THRB: variants seen among roughly 807,000 people sequenced by gnomAD.
THRB encodes the protein nuclear receptor subfamily 1 group A member 2.
Under a neutral mutation model 47.8 loss-of-function variants are expected in THRB, and 12 were observed. That is an observed-to-expected ratio of 0.25 (90% CI 0.16 to 0.41). The LOEUF (loss-of-function observed/expected upper bound fraction) is 0.41, where lower values mean the gene tolerates loss of function less well. THRB is among the 10% of genes least tolerant of loss of function. The probability of loss-of-function intolerance (pLI) is 1.00; values close to 1 mark genes in which losing one functional copy is unlikely to be tolerated. For synonymous variants in THRB, 218 were observed against 212.2 expected, an observed-to-expected ratio of 1.03 and a Z score of -0.24; for missense variants, 348 against 589.2, an observed-to-expected ratio of 0.59 and a Z score of 4.24.
chr3:24,316,703 T>C (rs2058137887), intron 2 of THRB, among the ~76,000 whole-genome samples: 1 of 152,140 alleles, frequency 6.6e-6, no homozygotes, highest in South Asian at 2.1e-4. Flanking sequence ...AGGTACAAGC[T>C]AAAGTCCTAC....
In THRB at chr3:24,399,084, G is replaced by A. The variant is rs867457677; in HGVS notation, c.-260-61713C>T. On this transcript the variant is annotated intron_variant, in intron 1 of 10. Coordinates refer to ENST00000646209, the MANE Select transcript of THRB (RefSeq NM_001354712.2). ...CACACACCGGGGCCTGTTGTGGGGTGGGGGGAGTGGGGAGGGATAGCATTA... is the reference window on the plus strand; with the variant it reads ...CACACACCGGGGCCTGTTGTGGGGTAGGGGGAGTGGGGAGGGATAGCATTA... 2.8e-3 allele frequency among the ~76,000 whole-genome samples: 424 copies of A among 152,010 alleles called. 2 individuals carry two copies. Among genetic ancestry groups the A allele is most frequent in the African/African-American group, 9.7e-3 (404 of 41,452 alleles).
intron 5 of THRB, among the ~76,000 whole-genome samples, chr3:24,155,039 C>T (rs1299826661): frequency 6.6e-6 from 1 of 152,214 alleles, no homozygotes; most frequent in African/African-American, 2.4e-5. Context: ...TCACCTCATA[C>T]TACCCCAGCC....
At chr3:24,382,343 C>T (rs2149858417) in intron 1 of THRB, among the ~76,000 whole-genome samples, 1 of 152,104 alleles carries the variant, frequency 6.6e-6, no homozygotes, top group South Asian at 2.1e-4. Flanking sequence ...TATATTTTTT[C>T]TTCTTTTGCT....
At chr3:24,494,442 G>C (rs1698709463) in intron 1 of THRB, 1 of 150,580 alleles carries the variant, frequency 6.6e-6, no homozygotes, top group African/African-American at 2.5e-5. Flanking sequence ...GCCCGAACAC[G>C]AGAGGGCACC....
chr3:24,174,130 C>T (rs973667176), intron 5 of THRB, among the ~76,000 whole-genome samples: 12 of 152,214 alleles, frequency 7.9e-5, no homozygotes, highest in African/African-American at 2.9e-4. Context: ...GTCAACCTGT[C>T]ATCTACGTGT....
chr3:24,413,000 T>C (rs1294968899), intron 1 of THRB, among the ~76,000 whole-genome samples: 1 of 151,778 alleles, frequency 6.6e-6, no homozygotes, highest in African/African-American at 2.4e-5. Context: ...AAACTTTAAA[T>C]ACAAAGGAGC....
chr3:24,281,546 C>T (rs1051243896), intron 3 of THRB, among the ~76,000 whole-genome samples: 3 of 149,346 alleles, frequency 2.0e-5, no homozygotes, highest in Non-Finnish European at 4.5e-5. Context: ...AAATCACCAG[C>T]TAACATCATA....
At chr3:24,385,986 C>T (rs1305690662) in intron 1 of THRB, among the ~76,000 whole-genome samples, 2 of 152,056 alleles carry the variant, frequency 1.3e-5, no homozygotes, top group African/African-American at 4.8e-5. Flanking sequence ...TTAAAAATTA[C>T]TTCCTTTATC....
intron 3 of THRB, among the ~76,000 whole-genome samples, chr3:24,294,947 A>G (rs545777603): frequency 6.5e-4 from 99 of 152,344 alleles, no homozygotes; most frequent in African/African-American, 2.2e-3. Context: ...CAGGATAGAG[A>G]TGTCTTCACT....
At chr3:24,370,667 G>T (rs1469865954) in intron 1 of THRB, among the ~76,000 whole-genome samples, 1 of 152,072 alleles carries the variant, frequency 6.6e-6, no homozygotes, top group Non-Finnish European at 1.5e-5. Context: ...TAATGATAGG[G>T]AATGCTGGGG....
At chr3:24,255,677 G>A (rs867417803) in intron 3 of THRB, among the ~76,000 whole-genome samples, 8 of 152,296 alleles carry the variant, frequency 5.3e-5, no homozygotes, top group African/African-American at 1.2e-4. Context: ...GGAGGGACCC[G>A]TACTTATGTA....
chr3:24,156,883 G>A (rs1424456788), intron 5 of THRB, among the ~76,000 whole-genome samples: 1 of 152,122 alleles, frequency 6.6e-6, no homozygotes, highest in Non-Finnish European at 1.5e-5. Context: ...TAAAAACCTT[G>A]AAAGGGTTAT....
intron 8 of THRB, among the ~76,000 whole-genome samples, chr3:24,141,501 T>C (rs1028292534): frequency 2.6e-5 from 4 of 152,242 alleles, no homozygotes; most frequent in Admixed American, 2.0e-4. Context: ...TCATTGCACT[T>C]ACCACTACCT....
intron 1 of THRB, among the ~76,000 whole-genome samples, chr3:24,347,643 TA>T (rs199954065): frequency 0.038 from 5,656 of 150,196 alleles, 153 homozygotes; most frequent in African/African-American, 0.076. Context: ...TTTTAAAGAA[TA>T]AAAAAAAGAA....
intron 1 of THRB, among the ~76,000 whole-genome samples, chr3:24,472,507 G>A (rs1431174227): frequency 1.3e-5 from 2 of 152,150 alleles, no homozygotes; most frequent in African/African-American, 2.4e-5. Flanking sequence ...TGTGCAAGGG[G>A]CTTTTACACA....
At chr3:24,276,058 T>A (rs2053884607) in intron 3 of THRB, among the ~76,000 whole-genome samples, 1 of 151,356 alleles carries the variant, frequency 6.6e-6, no homozygotes, top group Non-Finnish European at 1.5e-5. Flanking sequence ...TTTTTTTTAA[T>A]AACCTCCTTT....
intron 5 of THRB, among the ~76,000 whole-genome samples, chr3:24,172,410 C>G (rs1562736): frequency 0.73 from 110,545 of 151,984 alleles, 41,036 homozygotes; most frequent in African/African-American, 0.89. Flanking sequence ...TGAATTAAGT[C>G]TGTTTCAGTA....
At chr3:24,493,751 T>TA (rs1024290146) in intron 1 of THRB, among the ~76,000 whole-genome samples, 5 of 152,178 alleles carry the variant, frequency 3.3e-5, no homozygotes, top group East Asian at 1.9e-4. Context: ...CTTGTACATT[T>TA]AAAAAAAATT....
chr3:24,299,905 G>A (rs1391929372), intron 2 of THRB, among the ~76,000 whole-genome samples: 1 of 151,356 alleles, frequency 6.6e-6, no homozygotes, highest in African/African-American at 2.4e-5. Flanking sequence ...AATACTCCAG[G>A]GGAATTACAG....
Sources: allele counts gnomAD v4.1 joint callset (sites outside exome capture counted in the v4.1 genomes callset), GRCh38; gene constraint gnomAD v4.1.1; transcripts MANE v1.5; gene names NCBI Gene and HGNC (gene_info 2026-07-23, HGNC 2026-07-21).